The following ATP13A4 variants were observed in gnomAD, a reference collection of about 807,000 sequenced individuals.
ATP13A4 encodes the protein ATPase 13A4, also known as probable cation-transporting ATPase 13A4.
A neutral mutation model predicts 142.5 loss-of-function variants in ATP13A4; 114 were observed. That is an observed-to-expected ratio of 0.80 (90% CI 0.69 to 0.93). The LOEUF is 0.93. Ranked by LOEUF, ATP13A4 falls within the 40% of genes least tolerant of loss-of-function variation. ATP13A4 has a pLI of 0.00. For synonymous variants in ATP13A4, 488 were observed against 514.8 expected (o/e 0.95, Z 0.70); for missense variants, 1,392 against 1,454.0 (o/e 0.96, Z 0.69).
chr3:193,568,104 C>T (rs930999804), intron 2 of ATP13A4, among the ~76,000 whole-genome samples: 1 of 152,160 alleles, frequency 6.6e-6, no homozygotes, highest in African/African-American at 2.4e-5. Context: ...GGATTACAGG[C>T]ACATGCCACC....
intron 9 of ATP13A4, among the ~76,000 whole-genome samples, chr3:193,468,201 A>T (rs895088857): frequency 4.6e-5 from 7 of 152,106 alleles, no homozygotes; most frequent in African/African-American, 1.7e-4. Context: ...AATAAATAAT[A>T]AATAAATAAA....
intron 1 of ATP13A4, among the ~76,000 whole-genome samples, chr3:193,546,624 A>C (rs1723242398): frequency 6.6e-6 from 1 of 152,218 alleles, no homozygotes; most frequent in Non-Finnish European, 1.5e-5. Context: ...CCAACACAAC[A>C]ATGTTGGTCT....
intron 2 of ATP13A4, among the ~76,000 whole-genome samples, chr3:193,570,185 C>G (rs184212691): frequency 1.1e-4 from 16 of 152,126 alleles, no homozygotes; most frequent in Non-Finnish European, 2.9e-5. Context: ...TGGTGGCACA[C>G]ACCTGTAATT....
At chr3:193,581,445 T>C (rs1724543326) in intron 2 of ATP13A4, among the ~76,000 whole-genome samples, 1 of 152,160 alleles carries the variant, frequency 6.6e-6, no homozygotes, top group Non-Finnish European at 1.5e-5. Flanking sequence ...AACGCAGAGT[T>C]AGAAAGAGAG....
intron 1 of ATP13A4, among the ~76,000 whole-genome samples, chr3:193,542,285 A>G (rs867227629): frequency 2.2e-4 from 34 of 152,182 alleles, no homozygotes; most frequent in Admixed American, 7.9e-4. Context: ...GAATCTCTTC[A>G]AGGAGAATTA....
At chr3:193,474,532 C>T (rs113577331) in intron 8 of ATP13A4, among the ~76,000 whole-genome samples, 1,462 of 135,054 alleles carry the variant, frequency 0.011, 12 homozygotes, top group Middle Eastern at 0.069. Flanking sequence ...AAGTCCCTGT[C>T]AAGACAGAGA....
chr3:193,440,357 T>C (rs1037334205), intron 21 of ATP13A4: 2 of 1,024,256 alleles, frequency 2.0e-6, no homozygotes, highest in African/African-American at 1.6e-5. Flanking sequence ...AAGCCCCATA[T>C]AAACAACTGA....
At chr3:193,577,884 A>G (rs1724430373) in intron 2 of ATP13A4, among the ~76,000 whole-genome samples, 1 of 152,272 alleles carries the variant, frequency 6.6e-6, no homozygotes, top group African/African-American at 2.4e-5. Context: ...CACTTCCATG[A>G]AACAGTTCTG....
At chr3:193,504,020 T>TGTGTGTGTGTGTGTGTGTGTGTGTGAGA (rs1034644341) in intron 2 of ATP13A4, among the ~76,000 whole-genome samples, 1 of 144,316 alleles carries the variant, frequency 6.9e-6, no homozygotes, top group Non-Finnish European at 1.5e-5. Flanking sequence ...TGTGTGTGTG[T>TGTGTGTGTGTGTGTGTGTGTGTGTGAGA]GAGAGAGAGA....
intron 1 of ATP13A4, among the ~76,000 whole-genome samples, chr3:193,529,384 T>C (rs1722195686): frequency 6.6e-6 from 1 of 152,144 alleles, no homozygotes. Context: ...TGTACTTTTA[T>C]ATAGGCATAC....
At chr3:193,434,516 T>A (rs79882175) in intron 24 of ATP13A4, among the ~76,000 whole-genome samples, 8,030 of 152,252 alleles carry the variant, frequency 0.053, 402 homozygotes, top group East Asian at 0.18. Flanking sequence ...TTAATTCTAC[T>A]TTTGAGTATA....
chr3:193,440,222 T>TGA (rs1269789527), intron 21 of ATP13A4: 1 of 302,090 alleles, frequency 3.3e-6, no homozygotes, highest in African/African-American at 2.2e-5. Context: ...CTCCAGGAGC[T>TGA]GAGCTCAAGC....
chr3:193,480,588 A>G (rs1029017191), intron 8 of ATP13A4, among the ~76,000 whole-genome samples: 1 of 152,166 alleles, frequency 6.6e-6, no homozygotes, highest in East Asian at 1.9e-4. Flanking sequence ...ATATCACCTT[A>G]CTCCTGCAAG....
rs1718192446 is a variant in ATP13A4 at position 193,465,136 on chromosome 3, A to T, written c.1273-8T>A. ...CACCTCCTCTGGAGGTTCCTGGACG[A>T]CAGTCATTCTTTAATTATTACAGAC... On this transcript the variant is annotated splice_polypyrimidine_tract_variant and splice_region_variant and intron_variant, in intron 11 of 29. Transcript: ENST00000342695. The T allele has an allele frequency of 6.2e-7, 1 of 1,613,192 alleles. No homozygotes were observed.
intron 2 of ATP13A4, among the ~76,000 whole-genome samples, chr3:193,504,328 C>A (rs1720740544): frequency 6.6e-6 from 1 of 152,114 alleles, no homozygotes; most frequent in African/African-American, 2.4e-5. Flanking sequence ...CTTGAACAAA[C>A]CTTGACACAG....
rs565202830 is a variant in ATP13A4 at position 193,592,722 on chromosome 3, C to T, written n.91+299G>A. Among the ~76,000 whole-genome samples, 9 of 152,344 alleles carry T rather than the reference C, an allele frequency of 5.9e-5. No individual in the cohort carries two copies. In the East Asian group the frequency reaches 1.7e-3, roughly 29 times the overall value. On this transcript the variant is annotated intron_variant and non_coding_transcript_variant, in intron 1 of 3. Coordinates refer to the ATP13A4 transcript ENST00000489140. ...TCTGATCCTCAGAGATTCTAAGGGA[C>T]TTAGCCTATCCATGACTCTTCGTCC...
Position 193,491,309 on chromosome 3 carries a change from G to GA in ATP13A4, c.603+19dup. The stretch of plus-strand genomic sequence containing the variant: ...CCTTATTTTCTGTCCAACACCAAGA[G>GA]AAAATGCTGGAGAAATTACCTCCTT... On this transcript the variant is annotated intron_variant, in intron 6 of 29. Coordinates refer to ENST00000342695, the MANE Select transcript of ATP13A4 (RefSeq NM_032279.4). 2 of 1,564,532 alleles carry GA rather than the reference G, an allele frequency of 1.3e-6. No individual in the cohort carries two copies. Among genetic ancestry groups the GA allele is most frequent in the Non-Finnish European group, 8.8e-7 (1 of 1,135,600 alleles).
chr3:193,489,858 T>G lies in ATP13A4; in HGVS notation c.610A>C (p.Asn204His). The G allele has an allele frequency of 6.2e-7, 1 of 1,612,926 alleles. No individual in the cohort carries two copies. Among genetic ancestry groups the G allele is most frequent in the Non-Finnish European group, 8.5e-7 (1 of 1,179,186 alleles). Residue 204 changes from asparagine to histidine, a missense_variant, in exon 7 of 30, where the codon AAT (asparagine) becomes CAT (histidine). By Grantham distance (68) the Asn-to-His change is moderately conservative. Coordinates refer to ENST00000342695, the MANE Select transcript of ATP13A4 (RefSeq NM_032279.4). ...IWKLLIKEVL[N>H]PFYIFQLFSV... ...AAGAGTTGAAATATATAAAATGGAT[T>G]TAGAACCTGTTGGCAGACATAAAAA... is the stretch of plus-strand genomic sequence containing the variant.
At chr3:193,469,383 T>C (rs1023431854) in intron 9 of ATP13A4, among the ~76,000 whole-genome samples, 2 of 152,188 alleles carry the variant, frequency 1.3e-5, no homozygotes, top group African/African-American at 4.8e-5. Context: ...GTCAGCACTT[T>C]GGGAGGCCCA....
Sources: gnomAD v4.1 joint callset for allele counts (sites outside exome capture counted in the v4.1 genomes callset) on GRCh38, gnomAD v4.1.1 for gene constraint, MANE v1.5 for transcripts, NCBI Gene and HGNC (gene_info 2026-07-23, HGNC 2026-07-21) for gene names.